The following ZNF599 variants were observed in gnomAD, a reference collection of about 807,000 sequenced individuals.
The protein encoded by ZNF599 is zinc finger protein 599.
A neutral mutation model predicts 11.7 loss-of-function variants in ZNF599; 10 were observed. The ratio of observed to expected loss-of-function variants is 0.86; its 90% CI spans 0.53 to 1.45. ZNF599 has a LOEUF of 1.45. ZNF599 is among the 40% of genes most tolerant of loss of function. The pLI is 0.00. For synonymous variants in ZNF599, 232 were observed against 253.2 expected (o/e 0.92, Z 0.79); for missense variants, 688 against 713.6 (o/e 0.96, Z 0.41).
At chr19:34,789,381 T>G in the ZNF599 span, among the ~76,000 whole-genome samples, 1 of 152,248 alleles carries the variant, frequency 6.6e-6, no homozygotes, top group South Asian at 2.1e-4. Context: ...GAAGAGGGAC[T>G]ACTGGATCAC....
chr19:34,761,924 G>A (rs2069115951), intron 3 of ZNF599, among the ~76,000 whole-genome samples: 1 of 152,036 alleles, frequency 6.6e-6, no homozygotes, highest in Admixed American at 6.6e-5. Flanking sequence ...TTTGACTAGA[G>A]TAAATATAAT....
At chr19:34,762,385 A>C (rs924965924) in intron 3 of ZNF599, among the ~76,000 whole-genome samples, 5 of 152,210 alleles carry the variant, frequency 3.3e-5, no homozygotes, top group Non-Finnish European at 5.9e-5. Flanking sequence ...CAGATAAGGC[A>C]AGGGAAGTGA....
the ZNF599 span, among the ~76,000 whole-genome samples, chr19:34,805,221 C>T: frequency 1.7e-5 from 2 of 121,202 alleles, no homozygotes; most frequent in East Asian, 2.7e-4. Context: ...TTTTTTGAGA[C>T]GGAGTCTCAC....
Position 34,773,211 on chromosome 19 carries a change from C to G in ZNF599, c.-370G>C, listed in dbSNP as rs1243388316. 4 of 262,818 alleles carry G rather than the reference C, an allele frequency of 1.5e-5. No homozygotes were observed. The highest frequency in any genetic ancestry group is 2.9e-5 in the Non-Finnish European group (4 of 139,642). 16.3% of individuals were successfully genotyped at this position (262,818 alleles called of 1,614,324 possible). A position where few individuals can be genotyped will look rare whatever the true frequency, so the allele number is the denominator to read the frequency against. ...AACCTAACGGCGGACGAAGACTGGA[C>G]GCCGGAAGTCCCGCCCACGCCGCTA... is the stretch of plus-strand genomic sequence containing the variant. On this transcript the variant is annotated 5_prime_UTR_variant, in exon 1 of 4. Transcript: ENST00000329285.
At chr19:34,791,688 T>C in the ZNF599 span, 1 of 152,150 alleles carries the variant, frequency 6.6e-6, no homozygotes, top group Non-Finnish European at 1.5e-5. Context: ...GGTAAGAGGA[T>C]GGTCAAAGGA....
upstream of ZNF599, among the ~76,000 whole-genome samples, chr19:34,777,331 T>TA (rs1475661612): frequency 6.3e-5 from 3 of 47,680 alleles, no homozygotes; most frequent in African/African-American, 3.0e-4. Context: ...TATTATATAT[T>TA]ATATATTAAT....
At chr19:34,778,741 A>T in the ZNF599 span, among the ~76,000 whole-genome samples, 1 of 152,232 alleles carries the variant, frequency 6.6e-6, no homozygotes, top group Non-Finnish European at 1.5e-5. Context: ...ATATTTCTCA[A>T]CTTAGCAAAC....
At chr19:34,772,583 G>T in intron 1 of ZNF599, 1 of 1,336,616 alleles carries the variant, frequency 7.5e-7, no homozygotes, top group Non-Finnish European at 9.5e-7. Context: ...AGGGCAGCGA[G>T]GCGACAGCTC....
At chr19:34,777,499 AT>A (rs1189137552), upstream of ZNF599, among the ~76,000 whole-genome samples, 2 of 110,234 alleles carry the variant, frequency 1.8e-5, no homozygotes, top group Admixed American at 1.3e-4. Context: ...TATGATATAT[AT>A]TAATATATTA....
the ZNF599 span, chr19:34,779,339 G>A: frequency 2.8e-5 from 7 of 247,874 alleles, no homozygotes; most frequent in Admixed American, 5.5e-5. Context: ...AACCTCAAGC[G>A]ATCCTACTGC....
At chr19:34,775,444 C>T (rs2069213520), upstream of ZNF599, among the ~76,000 whole-genome samples, 1 of 152,140 alleles carries the variant, frequency 6.6e-6, no homozygotes. Flanking sequence ...GCAGGATAGG[C>T]AACTCTATAG....
At position 34,766,670 on chromosome 19, in the gene ZNF599, AGTG is replaced by A. The variant is rs1439991779; in HGVS notation, c.241+643_241+645del. Among the ~76,000 whole-genome samples, 5 of 152,326 alleles carry A rather than the reference AGTG, an allele frequency of 3.3e-5. No individual in the cohort carries two copies. In the East Asian group the frequency reaches 7.7e-4, roughly 24 times the overall value. On this transcript the variant is annotated intron_variant, in intron 3 of 3. Coordinates refer to ENST00000329285, the MANE Select transcript of ZNF599 (RefSeq NM_001007248.3). Reference sequence around the variant, plus strand: ...ATCACTATCTTTCAAATGTAGGCTAAGTGTATCAGATAAGTATATGTTCACTAT... The same window carrying A: ...ATCACTATCTTTCAAATGTAGGCTAATATCAGATAAGTATATGTTCACTAT...
At chr19:34,767,262 C>T (rs755375784) in intron 3 of ZNF599, 54 bp downstream of exon 3, 1 of 1,409,742 alleles carries the variant, frequency 7.1e-7, no homozygotes, top group Admixed American at 1.7e-5. Context: ...ACAGTGATGC[C>T]TGGGTGGTCT....
At chr19:34,806,701 C>G in the ZNF599 span, among the ~76,000 whole-genome samples, 2 of 152,148 alleles carry the variant, frequency 1.3e-5, no homozygotes, top group Non-Finnish European at 2.9e-5. Flanking sequence ...CCAGATCATG[C>G]TAACACCATT....
chr19:34,774,607 G>A (rs2069207737), upstream of ZNF599, among the ~76,000 whole-genome samples: 1 of 152,214 alleles, frequency 6.6e-6, no homozygotes, highest in Non-Finnish European at 1.5e-5. Context: ...GCCAGGATGT[G>A]CTGTCCTCCA....
chr19:34,777,084 TGA>T (rs1036252298), upstream of ZNF599, among the ~76,000 whole-genome samples: 1 of 151,226 alleles, frequency 6.6e-6, no homozygotes, highest in Non-Finnish European at 1.5e-5. Flanking sequence ...CCTCTGGAGT[TGA>T]GTCTTGCCTC....
intron 2 of ZNF599, 49 bp from the exon 3 acceptor site, chr19:34,767,460 A>T (rs2069152187): frequency 6.7e-7 from 1 of 1,503,222 alleles, no homozygotes; most frequent in South Asian, 1.1e-5. Context: ...AAAGACAAAA[A>T]GAAAAGTCTG....
At position 34,760,518 on chromosome 19, in the gene ZNF599, G is replaced by A. The variant is rs1448641810; in HGVS notation, c.283C>T (p.Gln95Ter). The change falls in exon 4 of 4, where the codon CAG becomes TAG. Residue 95 changes from glutamine to a stop codon, truncating the protein, a stop_gained. Coordinates refer to ENST00000329285, the MANE Select transcript of ZNF599 (RefSeq NM_001007248.3). LOFTEE classifies it low-confidence loss of function (END_TRUNC). The part of the protein sequence containing the change: ...KPKITEPTAS[Q>*]LAFSEESSFQ... ...GAGGATTCCTCAGAGAAGGCCAGCT[G>A]AGAAGCAGTAGGCTCTGTAATCTTG... The A allele has an allele frequency of 3.7e-6, 6 of 1,613,938 alleles. No individual in the cohort carries two copies. The highest frequency in any genetic ancestry group is 4.5e-5 in the East Asian group (2 of 44,886).
At chr19:34,777,111 T>C (rs2069219010), upstream of ZNF599, among the ~76,000 whole-genome samples, 1 of 150,714 alleles carries the variant, frequency 6.6e-6, no homozygotes, top group African/African-American at 2.4e-5. Flanking sequence ...CTTAAAACGA[T>C]AAAAGCATTA....
Sources: allele counts gnomAD v4.1 joint callset (sites outside exome capture counted in the v4.1 genomes callset), GRCh38; gene constraint gnomAD v4.1.1; transcripts MANE v1.5; gene names NCBI Gene and HGNC (gene_info 2026-07-23, HGNC 2026-07-21).